CDH2: variants seen among roughly 807,000 people sequenced by gnomAD.
CDH2 encodes cadherin-2.
CDH2 carries 17 observed loss-of-function variants against 92.0 expected under a neutral mutation model. The ratio of observed to expected loss-of-function variants is 0.18; its 90% CI spans 0.13 to 0.28. The LOEUF is 0.28. CDH2 is among the 10% of genes least tolerant of loss of function. The pLI, the probability that CDH2 is intolerant of heterozygous loss-of-function variation, is 1.00. For synonymous variants in CDH2, 419 were observed against 415.9 expected (o/e 1.01, Z -0.09); for missense variants, 862 against 1,133.1 (o/e 0.76, Z 3.44).
At chr18:27,972,116 G>A (rs2011677973) in intron 14 of CDH2, among the ~76,000 whole-genome samples, 1 of 152,000 alleles carries the variant, frequency 6.6e-6, no homozygotes, top group Non-Finnish European at 1.5e-5. Flanking sequence ...TTCTGTCTAG[G>A]CATCTTGCCT....
chr18:27,952,185 G>A lies in CDH2; in HGVS notation c.2689C>T (p.Leu897Phe). 6.2e-7 allele frequency: 1 copy of A among 1,613,642 alleles called. No individual in the cohort carries two copies. The highest frequency in any genetic ancestry group is 8.5e-7 in the Non-Finnish European group (1 of 1,179,688). Residue 897 changes from leucine (L) to phenylalanine (F), a missense_variant, in exon 16 of 16, where the codon CTT becomes TTT. Around this residue, in one of 5 missense-constraint regions of CDH2, gnomAD observed 114 missense variants for 144.8 expected, o/e 0.79. Transcript: ENST00000269141. ...TCACCTCCACCATACATGTCAGCAAGTTTCTTGAACCGTGGCCCCCAGTCG... is the reference window on the plus strand; with the variant it reads ...TCACCTCCACCATACATGTCAGCAAATTTCTTGAACCGTGGCCCCCAGTCG... ...LNDWGPRFKK[L>F]ADMYGGGDD
At chr18:27,993,457 G>T in intron 8 of CDH2, 43 bp downstream of exon 8, 1 of 1,584,148 alleles carries the variant, frequency 6.3e-7, no homozygotes, top group South Asian at 1.2e-5. Flanking sequence ...TCTCAGTAAC[G>T]AACTACAGAC....
intron 6 of CDH2, among the ~76,000 whole-genome samples, chr18:27,936,614 CA>C (rs1412441103): frequency 6.6e-6 from 1 of 152,270 alleles, no homozygotes; most frequent in East Asian, 1.9e-4. Flanking sequence ...CCTGCAGCCT[CA>C]ATGTCCCAGG....
At chr18:27,955,356 T>TA (rs36182292) in intron 15 of CDH2, among the ~76,000 whole-genome samples, 3 of 107,538 alleles carry the variant, frequency 2.8e-5, no homozygotes, top group African/African-American at 1.1e-4. Context: ...TCTCAGAATT[T>TA]AAAGTATAAT....
chr18:28,030,379 T>C (rs1368565594), intron 2 of CDH2, among the ~76,000 whole-genome samples: 1 of 151,952 alleles, frequency 6.6e-6, no homozygotes, highest in Non-Finnish European at 1.5e-5. Flanking sequence ...CAAGGACATA[T>C]AGAAATGAGG....
chr18:28,112,365 C>T (rs920486060), intron 2 of CDH2, among the ~76,000 whole-genome samples: 1 of 152,102 alleles, frequency 6.6e-6, no homozygotes, highest in African/African-American at 2.4e-5. Context: ...AATTCCACAC[C>T]ATGATCTGAA....
At chr18:28,127,635 CAA>C (rs202103889) in intron 2 of CDH2, among the ~76,000 whole-genome samples, 3 of 150,052 alleles carry the variant, frequency 2.0e-5, no homozygotes, top group Non-Finnish European at 4.4e-5. Flanking sequence ...AAGCCATGAC[CAA>C]AAAAAAACCT....
rs17446127 is a variant in CDH2, at chr18:28,053,331, T to A, written c.173-39422A>T. 4.2e-3 allele frequency among the ~76,000 whole-genome samples: 639 copies of A among 152,330 alleles called. 4 individuals are homozygous for A. The highest frequency in any genetic ancestry group is 7.0e-3 in the Non-Finnish European group (475 of 68,022). On this transcript the variant is annotated intron_variant, in intron 2 of 15. Transcript: ENST00000269141. ...TTTTTTAATAAGTATTAGACATTTT[T>A]AAAGATATCTTTTAAAGATTATAAA...
chr18:28,090,011 A>C (rs1567994259), intron 2 of CDH2, among the ~76,000 whole-genome samples: 1 of 152,242 alleles, frequency 6.6e-6, no homozygotes, highest in Admixed American at 6.5e-5. Context: ...ATGAGAAACT[A>C]AAGTGTAGTT....
intron 14 of CDH2, among the ~76,000 whole-genome samples, chr18:27,977,149 C>G (rs1180946983): frequency 1.2e-4 from 8 of 66,660 alleles, no homozygotes; most frequent in African/African-American, 4.2e-4. Context: ...ACTTCACTCT[C>G]TGAAAAGAGA....
chr18:28,132,708 A>G (rs1447505406), intron 2 of CDH2, among the ~76,000 whole-genome samples: 1 of 152,176 alleles, frequency 6.6e-6, no homozygotes, highest in Non-Finnish European at 1.5e-5. Flanking sequence ...CTAATTTAAA[A>G]AATGAATCTC....
intron 7 of CDH2, among the ~76,000 whole-genome samples, chr18:27,998,866 TG>T (rs1248706600): frequency 6.6e-6 from 1 of 152,184 alleles, no homozygotes; most frequent in African/African-American, 2.4e-5. Flanking sequence ...CTGATCTGCC[TG>T]CCTTGAGTGC....
At chr18:28,023,361 T>C (rs2013461238) in intron 2 of CDH2, among the ~76,000 whole-genome samples, 1 of 152,182 alleles carries the variant, frequency 6.6e-6, no homozygotes, top group Non-Finnish European at 1.5e-5. Flanking sequence ...TCTTGCTTTG[T>C]CACCCAGGCT....
chr18:28,113,268 T>C (rs2015441473), intron 2 of CDH2, among the ~76,000 whole-genome samples: 1 of 152,138 alleles, frequency 6.6e-6, no homozygotes, highest in Admixed American at 6.6e-5. Flanking sequence ...AATATTATCA[T>C]TTCAATATAT....
At chr18:28,074,524 G>A (rs2014681153) in intron 2 of CDH2, among the ~76,000 whole-genome samples, 1 of 152,012 alleles carries the variant, frequency 6.6e-6, no homozygotes, top group Admixed American at 6.6e-5. Flanking sequence ...AGGATTACAG[G>A]CATGAGCCAC....
chr18:28,116,390 A>C (rs547584689), intron 2 of CDH2, among the ~76,000 whole-genome samples: 1 of 152,272 alleles, frequency 6.6e-6, no homozygotes, highest in East Asian at 1.9e-4. Flanking sequence ...TCATGTTTTA[A>C]ATTTTACTGT....
At chr18:27,980,157 C>T (rs1266135906) in intron 14 of CDH2, among the ~76,000 whole-genome samples, 5 of 152,164 alleles carry the variant, frequency 3.3e-5, no homozygotes, top group African/African-American at 1.2e-4. Context: ...AAGGATAAAT[C>T]ACCCAAACTT....
At chr18:28,049,573 A>G (rs1029841714) in intron 2 of CDH2, among the ~76,000 whole-genome samples, 3 of 152,188 alleles carry the variant, frequency 2.0e-5, no homozygotes, top group Admixed American at 2.0e-4. Flanking sequence ...TATAATTCTT[A>G]TATGTATTTG....
intron 2 of CDH2, among the ~76,000 whole-genome samples, chr18:28,117,306 G>A (rs2015511167): frequency 6.6e-6 from 1 of 152,074 alleles, no homozygotes; most frequent in Admixed American, 6.6e-5. Context: ...TATGGCTAAA[G>A]GAAAAATATA....
Sources: gnomAD v4.1 joint callset for allele counts (sites outside exome capture counted in the v4.1 genomes callset) on GRCh38, gnomAD v4.1.1 for gene constraint, gnomAD v4.1.1 regional missense constraint, MANE v1.5 for transcripts, NCBI Gene and HGNC (gene_info 2026-07-23, HGNC 2026-07-21) for gene names.